The following HDAC4 variants were observed in gnomAD, a reference collection of about 807,000 sequenced individuals.
HDAC4 encodes histone deacetylase 4, also known as histone deacetylase A.
Under a neutral mutation model 135.1 loss-of-function variants are expected in HDAC4, and 16 were observed. The observed-to-expected ratio is 0.12, with a 90% CI of 0.08 to 0.18. The LOEUF (loss-of-function observed/expected upper bound fraction) is 0.18. Among genes scored for constraint, HDAC4 ranks in the 10% least tolerant of loss-of-function variants. The pLI is 1.00. For missense variants in HDAC4, 1,143 were observed against 1,511.8 expected, an observed-to-expected ratio of 0.76 and a Z score of 4.05; for synonymous variants, 685 against 653.4, an observed-to-expected ratio of 1.05 and a Z score of -0.74.
At chr2:239,300,323 T>C (rs141485559) in intron 2 of HDAC4, among the ~76,000 whole-genome samples, 1 of 152,238 alleles carries the variant, frequency 6.6e-6, no homozygotes, top group South Asian at 2.1e-4. Flanking sequence ...AGGTAGCTAC[T>C]GGCCACATGT....
chr2:239,384,277 A>G (rs1345640357), intron 1 of HDAC4, among the ~76,000 whole-genome samples: 5 of 151,800 alleles, frequency 3.3e-5, no homozygotes, highest in Non-Finnish European at 5.9e-5. Context: ...TCGAAATGAC[A>G]TATTTTAGTA....
In HDAC4 at chr2:239,184,182, C is replaced by T. The variant is rs1033245911; in HGVS notation, c.339+5651G>A. The stretch of plus-strand genomic sequence containing the variant: ...GGCTGAAGTTAGGGAAGAAAAGGCA[C>T]GCCTTACACCAGTGCAGGGAGAGAG... On this transcript the variant is annotated intron_variant, in intron 4 of 26. Transcript: ENST00000543185. Among the ~76,000 whole-genome samples, 5 of 151,800 alleles carry T rather than the reference C, an allele frequency of 3.3e-5. No homozygotes were observed. The South Asian group carries it at 8.3e-4, about 25-fold the overall frequency.
chr2:239,381,575 C>T (rs1462726736), intron 1 of HDAC4, among the ~76,000 whole-genome samples: 1 of 152,186 alleles, frequency 6.6e-6, no homozygotes, highest in Non-Finnish European at 1.5e-5. Flanking sequence ...TATTTAAGTT[C>T]TATGACTGTA....
At chr2:239,160,588 T>C (rs2042728641) in intron 6 of HDAC4, among the ~76,000 whole-genome samples, 1 of 152,216 alleles carries the variant, frequency 6.6e-6, no homozygotes, top group African/African-American at 2.4e-5. Context: ...GGTGGCCTCT[T>C]TGTCTAGGCA....
chr2:239,187,135 C>T (rs2044605571), intron 4 of HDAC4: 1 of 152,672 alleles, frequency 6.5e-6, no homozygotes, highest in Admixed American at 6.5e-5. Flanking sequence ...CCCCTGAGGC[C>T]ATCCTCAGCC....
At chr2:239,347,188 A>G (rs1012806177) in intron 2 of HDAC4, among the ~76,000 whole-genome samples, 1 of 151,690 alleles carries the variant, frequency 6.6e-6, no homozygotes, top group Non-Finnish European at 1.5e-5. Context: ...ATCTTTATGG[A>G]TCATTTCTAT....
intron 2 of HDAC4, among the ~76,000 whole-genome samples, chr2:239,283,996 G>T (rs1331373716): frequency 1.3e-5 from 2 of 152,210 alleles, no homozygotes; most frequent in African/African-American, 4.8e-5. Context: ...GGCGCCAAGG[G>T]CGTCGGCGCA....
At chr2:239,398,064 C>T (rs746511541) in intron 1 of HDAC4, among the ~76,000 whole-genome samples, 2 of 81,970 alleles carry the variant, frequency 2.4e-5, no homozygotes, top group Non-Finnish European at 4.7e-5. Context: ...CTTCGCCCTT[C>T]AGTTCCCCCA....
chr2:239,236,788 C>T (rs2047912949), intron 2 of HDAC4, 124 bp from the exon 3 acceptor site: 8 of 741,826 alleles, frequency 1.1e-5, no homozygotes, highest in Admixed American at 4.0e-5. Flanking sequence ...CCTACTTTTA[C>T]AGGGGGACAC....
In HDAC4 at chr2:239,167,637, T is replaced by C. The variant is rs970036402; in HGVS notation, c.491-3714A>G. 2.0e-5 allele frequency among the ~76,000 whole-genome samples: 3 copies of C among 152,092 alleles called. No individual in the cohort carries two copies. The highest frequency in any genetic ancestry group is 4.4e-5 in the Non-Finnish European group (3 of 68,020). On this transcript the variant is annotated intron_variant, in intron 5 of 26. Transcript: ENST00000543185. This position sits in a 1 kb window ranked among gnomAD's most constrained non-coding sequence, Gnocchi z 4.1. ...TCTGCACTTCTGGTTATGCACACGCTCATCTGTCAACAGGTTTCTCACTTA... is the reference window on the plus strand; with the variant it reads ...TCTGCACTTCTGGTTATGCACACGCCCATCTGTCAACAGGTTTCTCACTTA...
At chr2:239,381,677 C>T (rs1419522368) in intron 1 of HDAC4, among the ~76,000 whole-genome samples, 1 of 152,182 alleles carries the variant, frequency 6.6e-6, no homozygotes, top group East Asian at 1.9e-4. Flanking sequence ...GACAAGAGAG[C>T]TTCTCACCCT....
intron 3 of HDAC4, among the ~76,000 whole-genome samples, chr2:239,217,828 C>T (rs1364036265): frequency 6.6e-6 from 1 of 152,194 alleles, no homozygotes; most frequent in African/African-American, 2.4e-5. Context: ...ACAGCTCACG[C>T]CTGTAATCAC....
chr2:239,114,229 T>C (rs2038930493), intron 13 of HDAC4, among the ~76,000 whole-genome samples: 1 of 152,042 alleles, frequency 6.6e-6, no homozygotes, highest in Non-Finnish European at 1.5e-5. Flanking sequence ...GTCAGGAAGC[T>C]GGGGAGGTGC....
At chr2:239,237,382 C>T (rs1342415759) in intron 2 of HDAC4, among the ~76,000 whole-genome samples, 1 of 152,072 alleles carries the variant, frequency 6.6e-6, no homozygotes, top group South Asian at 2.1e-4. Context: ...AGGAATCACA[C>T]TTTTCTTTTA....
intron 3 of HDAC4, among the ~76,000 whole-genome samples, chr2:239,214,862 G>A (rs1347846082): frequency 2.6e-5 from 4 of 152,218 alleles, no homozygotes; most frequent in African/African-American, 9.6e-5. Context: ...GAGAGAAATA[G>A]GAGTCAAGGG....
At chr2:239,390,602 G>C (rs1230514334) in intron 1 of HDAC4, among the ~76,000 whole-genome samples, 1 of 152,058 alleles carries the variant, frequency 6.6e-6, no homozygotes, top group Admixed American at 6.5e-5. Context: ...TCCCCTTAGA[G>C]TGCCTTTCCC....
chr2:239,187,019 G>A (rs1450186853), intron 4 of HDAC4: 1 of 152,646 alleles, frequency 6.6e-6, no homozygotes, highest in African/African-American at 2.4e-5. Context: ...CGGCTTCGGG[G>A]TGGGGTCCTA....
rs1001006793 is a variant in HDAC4, at chr2:239,309,887, G to A, written c.22+42791C>T. 4.6e-5 allele frequency among the ~76,000 whole-genome samples: 7 copies of A among 152,232 alleles called. No individual in the cohort carries two copies. Among genetic ancestry groups the A allele is most frequent in the Admixed American group, 4.6e-4 (7 of 15,288 alleles). ...CTAGCAGAAGGGTGTTCTGGAAGCTGCCCCCTCCCATGCTGCTGCCTGGTC... is the reference window on the plus strand; with the variant it reads ...CTAGCAGAAGGGTGTTCTGGAAGCTACCCCCTCCCATGCTGCTGCCTGGTC... On this transcript the variant is annotated intron_variant, in intron 2 of 26. Transcript: ENST00000543185. The surrounding 1 kb of genome is among the most constrained non-coding windows in gnomAD (Gnocchi z 4.2).
intron 3 of HDAC4, among the ~76,000 whole-genome samples, chr2:239,225,615 G>C (rs1256362598): frequency 6.6e-6 from 1 of 152,234 alleles, no homozygotes; most frequent in Non-Finnish European, 1.5e-5. Flanking sequence ...AGGTCGGCAG[G>C]GGAGGGCAGG....
Sources: allele counts gnomAD v4.1 joint callset (sites outside exome capture counted in the v4.1 genomes callset), GRCh38; gene constraint gnomAD v4.1.1; non-coding constraint Gnocchi (gnomAD v3.1); transcripts MANE v1.5; gene names NCBI Gene and HGNC (gene_info 2026-07-23, HGNC 2026-07-21).